The following PCLO variants were observed in gnomAD, a reference collection of about 807,000 sequenced individuals.
PCLO encodes protein piccolo.
PCLO carries 82 observed loss-of-function variants against 427.5 expected under a neutral mutation model. That is an observed-to-expected ratio of 0.19 (90% confidence interval 0.16 to 0.23). PCLO has a LOEUF of 0.23. PCLO is among the 10% of genes least tolerant of loss of function. The probability of loss-of-function intolerance (pLI) is 1.00; values close to 1 mark genes in which losing one functional copy is unlikely to be tolerated. For synonymous variants in PCLO, 2,357 were observed against 2,155.4 expected, an observed-to-expected ratio of 1.09 and a Z score of -2.59; for missense variants, 6,239 against 6,115.9, an observed-to-expected ratio of 1.02 and a Z score of -0.67.
At chr7:82,980,747 T>G (rs936842318) in intron 3 of PCLO, among the ~76,000 whole-genome samples, 1 of 151,986 alleles carries the variant, frequency 6.6e-6, no homozygotes, top group Admixed American at 6.6e-5. Context: ...GCAGCAGAAC[T>G]GAATGAGGGA....
At chr7:83,096,540 C>T (rs1790542088) in intron 3 of PCLO, among the ~76,000 whole-genome samples, 1 of 151,230 alleles carries the variant, frequency 6.6e-6, no homozygotes, top group Admixed American at 6.7e-5. Context: ...AGATCAGTGC[C>T]AGGCACAGGG....
chr7:82,919,101 A>G (rs1410154003), intron 6 of PCLO, among the ~76,000 whole-genome samples: 1 of 151,982 alleles, frequency 6.6e-6, no homozygotes, highest in Non-Finnish European at 1.5e-5. Context: ...GAAAAAAGAG[A>G]GCAAATACTG....
At chr7:83,060,906 T>A (rs73163009) in intron 3 of PCLO, among the ~76,000 whole-genome samples, 14,786 of 152,236 alleles carry the variant, frequency 0.097, 932 homozygotes, top group East Asian at 0.17. Flanking sequence ...AGTCACAAAC[T>A]ACTCGTCCAT....
intron 3 of PCLO, among the ~76,000 whole-genome samples, chr7:83,010,234 C>T (rs1788045546): frequency 6.6e-6 from 1 of 151,948 alleles, no homozygotes; most frequent in Admixed American, 6.6e-5. Context: ...CAACAAATAG[C>T]TTTGGCTCGA....
chr7:83,110,501 G>T (rs1375446655), intron 3 of PCLO, among the ~76,000 whole-genome samples: 1 of 151,648 alleles, frequency 6.6e-6, no homozygotes, highest in Admixed American at 6.6e-5. Flanking sequence ...CTTCTTTCCT[G>T]ACAAAATTTG....
intron 16 of PCLO, among the ~76,000 whole-genome samples, chr7:82,830,176 AT>A (rs1792058384): frequency 1.3e-5 from 2 of 151,938 alleles, no homozygotes; most frequent in South Asian, 4.1e-4. Flanking sequence ...TCTAAAACAA[AT>A]ATAGCAAAAT....
chr7:83,158,130 A>G (rs1258965238), intron 1 of PCLO, among the ~76,000 whole-genome samples: 2 of 152,052 alleles, frequency 1.3e-5, no homozygotes, highest in African/African-American at 2.4e-5. Context: ...GTAAAAGACA[A>G]ATAAGTAGAT....
chr7:83,025,486 C>T (rs1420919553), intron 3 of PCLO, among the ~76,000 whole-genome samples: 3 of 151,756 alleles, frequency 2.0e-5, no homozygotes, highest in Non-Finnish European at 2.9e-5. Flanking sequence ...GATTGGTGTA[C>T]CTGAAAGTGA....
chr7:82,957,112 G>A (rs1477477585), intron 4 of PCLO, among the ~76,000 whole-genome samples, 177 bp from the exon 5 acceptor site: 1 of 152,064 alleles, frequency 6.6e-6, no homozygotes, highest in Non-Finnish European at 1.5e-5. Flanking sequence ...CGTTGGTAAG[G>A]TTAGTTTCCA....
intron 21 of PCLO, 108 bp downstream of exon 21, chr7:82,805,580 C>CA: frequency 9.9e-7 from 1 of 1,008,542 alleles, no homozygotes; most frequent in Non-Finnish European, 1.5e-6. Flanking sequence ...GTCTCAGGGA[C>CA]AATGACTCAG....
At chr7:82,897,797 T>C (rs371703586) in intron 9 of PCLO, among the ~76,000 whole-genome samples, 1 of 151,398 alleles carries the variant, frequency 6.6e-6, no homozygotes, top group Non-Finnish European at 1.5e-5. Context: ...TAGAAAAAAG[T>C]ATATTTCCTT....
chr7:83,048,774 A>G (rs79487450), intron 3 of PCLO, among the ~76,000 whole-genome samples: 11,268 of 152,044 alleles, frequency 0.074, 602 homozygotes, highest in Middle Eastern at 0.16. Context: ...ATTCTCACCT[A>G]CTGATGGTTT....
intron 16 of PCLO, among the ~76,000 whole-genome samples, chr7:82,831,521 T>G (rs929681892): frequency 6.6e-6 from 1 of 152,142 alleles, no homozygotes; most frequent in Admixed American, 6.6e-5. Context: ...TCTTTAGAGT[T>G]GCCTAGGGAA....
intron 17 of PCLO, among the ~76,000 whole-genome samples, 153 bp downstream of exon 17, chr7:82,827,720 T>C (rs1399269528): frequency 6.6e-6 from 1 of 152,066 alleles, no homozygotes; most frequent in Non-Finnish European, 1.5e-5. Context: ...ATGTCACTCA[T>C]TTTTTTCCAT....
chr7:82,773,282 T>C (rs1562779452), intron 22 of PCLO, among the ~76,000 whole-genome samples: 1 of 152,160 alleles, frequency 6.6e-6, no homozygotes, highest in Non-Finnish European at 1.5e-5. Context: ...GGAAAAATAA[T>C]CTGTGTCTGT....
chr7:83,140,650 C>G (rs1791838046), intron 2 of PCLO, among the ~76,000 whole-genome samples: 1 of 152,164 alleles, frequency 6.6e-6, no homozygotes, highest in African/African-American at 2.4e-5. Flanking sequence ...CACTGTTTAG[C>G]CAATCTGTAC....
intron 3 of PCLO, among the ~76,000 whole-genome samples, chr7:83,106,499 G>T (rs1790860044): frequency 1.3e-5 from 2 of 152,146 alleles, no homozygotes; most frequent in South Asian, 4.2e-4. Flanking sequence ...ATGACTTTTT[G>T]AAATATTTCT....
chr7:82,999,253 T>A (rs1787715176), intron 3 of PCLO, among the ~76,000 whole-genome samples: 1 of 144,648 alleles, frequency 6.9e-6, no homozygotes, highest in Admixed American at 7.1e-5. Flanking sequence ...TATATATGGA[T>A]ATATAATAAA....
intron 3 of PCLO, among the ~76,000 whole-genome samples, chr7:83,123,091 C>A (rs1254213341): frequency 6.6e-6 from 1 of 152,052 alleles, no homozygotes; most frequent in Non-Finnish European, 1.5e-5. Flanking sequence ...CAATCTCTAT[C>A]AAAATACTAG....
Sources: allele counts gnomAD v4.1 joint callset (sites outside exome capture counted in the v4.1 genomes callset), GRCh38; gene constraint gnomAD v4.1.1; transcripts MANE v1.5; gene names NCBI Gene and HGNC (gene_info 2026-07-23, HGNC 2026-07-21).